FBXL18: variants seen among roughly 807,000 people sequenced by gnomAD.
FBXL18 encodes F-box/LRR-repeat protein 18.
In FBXL18, 36 loss-of-function variants were observed where a neutral mutation model predicts 46.0. The ratio of observed to expected loss-of-function variants is 0.78; its 90% CI spans 0.60 to 1.03. The LOEUF is 1.03. Among genes scored for constraint, FBXL18 ranks in the 50% least tolerant of loss-of-function variants. The pLI, the probability that FBXL18 is intolerant of heterozygous loss-of-function variation, is 0.00. For missense variants in FBXL18, 977 were observed against 1,004.1 expected (o/e 0.97, Z 0.36); for synonymous variants, 557 against 465.3 (o/e 1.20, Z -2.54).
chr7:5,471,123 G>A (rs935218342), downstream of FBXL18, among the ~76,000 whole-genome samples: 5 of 152,152 alleles, frequency 3.3e-5, no homozygotes, highest in Non-Finnish European at 7.3e-5. Context: ...CCATGGCTCC[G>A]AAGCTAGGAT....
chr7:5,491,571 C>T (rs1337584120), intron 3 of FBXL18, 122 bp from the exon 4 acceptor site: 1 of 758,176 alleles, frequency 1.3e-6, no homozygotes, highest in African/African-American at 1.8e-5. Flanking sequence ...GCTGTTCCCG[C>T]CACCTCCCAC....
intron 4 of FBXL18, chr7:5,489,202 T>C (rs1783849860): frequency 1.9e-6 from 1 of 514,004 alleles, no homozygotes; most frequent in African/African-American, 1.9e-5. Context: ...AGGGCTTTAT[T>C]TACTGACACA....
intron 4 of FBXL18, among the ~76,000 whole-genome samples, chr7:5,463,728 ATTTTTTTTTT>A (rs552002078): frequency 2.0e-3 from 107 of 53,008 alleles, no homozygotes; most frequent in Admixed American, 5.2e-3. Context: ...TTATTTATTT[ATTTTTTTTTT>A]TTTTTTTTTT....
rs535531037 is a variant in FBXL18 at position 5,496,843 on chromosome 7, T to C, written c.1781+3645A>G. On this transcript the variant is annotated intron_variant, in intron 3 of 4. Transcript: ENST00000382368. The surrounding 1 kb of genome is among the most constrained non-coding windows in gnomAD (Gnocchi z 4.8). ...GAGTTCGAGACCAGCCTGGCCAACA[T>C]GGTGAAACCCCGTCTCTACTAAAAA... 4.6e-5 allele frequency among the ~76,000 whole-genome samples: 7 copies of C among 151,386 alleles called. No homozygotes were observed. In the East Asian group the frequency reaches 9.8e-4, roughly 21 times the overall value.
At chr7:5,510,686 CAAA>C (rs35968318) in intron 1 of FBXL18, among the ~76,000 whole-genome samples, 9 of 96,704 alleles carry the variant, frequency 9.3e-5, no homozygotes, top group African/African-American at 1.8e-4. Context: ...ATCCTGTCTC[CAAA>C]AAAAAAAAAA....
At chr7:5,489,329 T>A in intron 4 of FBXL18, 1 of 518,810 alleles carries the variant, frequency 1.9e-6, no homozygotes, top group Non-Finnish European at 3.8e-6. Flanking sequence ...TTGGGAAACC[T>A]TCACTTAAAA....
At chr7:5,504,521 G>C (rs1784344771) in intron 2 of FBXL18, among the ~76,000 whole-genome samples, 1 of 145,442 alleles carries the variant, frequency 6.9e-6, no homozygotes, top group Non-Finnish European at 1.5e-5. Context: ...GGCCAGGCTG[G>C]TCTCGAACTA....
chr7:5,510,274 G>C (rs1784496005), intron 1 of FBXL18, among the ~76,000 whole-genome samples: 1 of 138,370 alleles, frequency 7.2e-6, no homozygotes, highest in Non-Finnish European at 1.5e-5. Flanking sequence ...CTGCACTCCA[G>C]CCTGGGCGAA....
In FBXL18 at chr7:5,501,640, C is replaced by T. The variant is rs772996752; in HGVS notation, c.629G>A (p.Gly210Asp). Residue 210 changes from glycine (G) to aspartate (D), a missense_variant, in exon 3 of 5, where the codon GGC becomes GAC. Physicochemically the swap from Gly to Asp is moderately conservative, Grantham distance 94. Transcript: ENST00000382368. ...CATAAGCTGGCCCGAGAGGATGGCGCCCTCGCGCGTGCGGTCCAGAATCTC... is the reference window on the plus strand; with the variant it reads ...CATAAGCTGGCCCGAGAGGATGGCGTCCTCGCGCGTGCGGTCCAGAATCTC... ...YFEILDRTRE[G>D]AILSGQLMVG... is the part of the protein sequence containing the mutation. 1.2e-6 allele frequency: 2 copies of T among 1,613,184 alleles called. No individual in the cohort carries two copies. Among genetic ancestry groups the T allele is most frequent in the Admixed American group, 1.7e-5 (1 of 59,956 alleles).
rs1238365343 is a variant in FBXL18, at chr7:5,491,440, C to T, written c.1791G>A (p.Gln597=). ...ACTGGGCGTTGGCGCTGAAGTAGGG[C>T]TGCTCCAGCCTGCGGGGAGAGAGGG... ...CKRLRDLRLE[Q]PYFSANAQFF... is the part of the protein sequence containing the mutation. The change falls in exon 4 of 5, where the codon CAG becomes CAA. Residue 597 remains glutamine (Q), a synonymous_variant. Transcript: ENST00000382368. 53 of 1,578,198 alleles carry T rather than the reference C, an allele frequency of 3.4e-5. No homozygotes were observed. The East Asian group carries it at 1.1e-3, about 34-fold the overall frequency.
At position 5,477,799 on chromosome 7, in the gene FBXL18, G is replaced by A. The variant is rs1403354434; in HGVS notation, c.*3976C>T. 6.6e-6 allele frequency: 1 copy of A among 152,198 alleles called. No individual in the cohort carries two copies. Among genetic ancestry groups the A allele is most frequent in the Non-Finnish European group, 1.5e-5 (1 of 68,100 alleles). 9.4% of individuals were successfully genotyped at this position (152,198 alleles called of 1,614,324 possible). On this transcript the variant is annotated 3_prime_UTR_variant, in exon 5 of 5. Coordinates refer to ENST00000382368, the MANE Select transcript of FBXL18 (RefSeq NM_024963.6). The surrounding 1 kb of genome is among the most constrained non-coding windows in gnomAD (Gnocchi z 4.4). ...GGAGGCTGCCACAGCGCTGCCTGCT[G>A]GGGGATCAAGGTCCCCGCATCCAGG...
rs746179439 is a variant in FBXL18 at position 5,501,480 on chromosome 7, G to A, written c.789C>T (p.His263=). 1.9e-6 allele frequency: 3 copies of A among 1,613,772 alleles called. No homozygotes were observed. Among genetic ancestry groups the A allele is most frequent in the East Asian group, 2.2e-5 (1 of 44,896 alleles). ...TGCCAGGGACGGAGATGAGGAAGGC[G>A]TGGAGGTTCTGAGGAGTGCGGTCGC... The part of the protein sequence containing the change: ...VLSDRTPQNL[H]AFLISVPGSF... Residue 263 remains histidine (H), a synonymous_variant, in exon 3 of 5, where the codon CAC becomes CAT. Coordinates refer to ENST00000382368, the MANE Select transcript of FBXL18 (RefSeq NM_024963.6).
intron 4 of FBXL18, among the ~76,000 whole-genome samples, chr7:5,463,780 G>A (rs182578703): frequency 0.019 from 2,452 of 127,230 alleles, 77 homozygotes; most frequent in Admixed American, 0.095. Flanking sequence ...TCGCTCTGTC[G>A]CCCAGGCTTG....
intron 3 of FBXL18, among the ~76,000 whole-genome samples, chr7:5,492,775 T>TCCA (rs1783964422): frequency 6.6e-6 from 1 of 152,058 alleles, no homozygotes; most frequent in African/African-American, 2.4e-5. Flanking sequence ...GGGCCACGTG[T>TCCA]CCACCAGCCA....
In FBXL18 at chr7:5,500,741, G is replaced by A; in HGVS notation, c.1528C>T (p.Leu510Phe). 2 of 1,612,548 alleles carry A rather than the reference G, an allele frequency of 1.2e-6. No homozygotes were observed. The highest frequency in any genetic ancestry group is 1.7e-6 in the Non-Finnish European group (2 of 1,179,726). ...CTCTGTGCGCGGCTGCAGGGTGGGA[G>A]CGAGTTGCGGATGGCGGGCTCGTTG... ...PRNEPAIRNSLPPCSRAQSVG... is the reference protein window; with the variant it reads ...PRNEPAIRNSFPPCSRAQSVG... The change falls in exon 3 of 5, where the codon CTC (leucine) becomes TTC (phenylalanine). Residue 510 changes from leucine to phenylalanine, a missense_variant. Leu to Phe is a conservative substitution (Grantham distance 22, BLOSUM62 0). Transcript: ENST00000382368.
At chr7:5,508,332 A>T (rs1476380109) in intron 1 of FBXL18, among the ~76,000 whole-genome samples, 1 of 151,748 alleles carries the variant, frequency 6.6e-6, no homozygotes, top group African/African-American at 2.4e-5. Context: ...CTGTAATCCC[A>T]GCTACTCAGG....
intron 4 of FBXL18, among the ~76,000 whole-genome samples, chr7:5,488,186 GT>G (rs1783825031): frequency 2.0e-5 from 3 of 152,216 alleles, no homozygotes; most frequent in African/African-American, 7.2e-5. Context: ...GAAGGTGCAG[GT>G]CACCCCAGGA....
At chr7:5,464,116 T>C (rs560926678) in intron 4 of FBXL18, among the ~76,000 whole-genome samples, 2 of 151,996 alleles carry the variant, frequency 1.3e-5, no homozygotes, top group East Asian at 3.9e-4. Context: ...GAGGCCAAGG[T>C]GGGCGGATCA....
rs773155965 is a variant in FBXL18, at chr7:5,491,277, C to A, written c.1954G>T (p.Glu652Ter). 2.5e-6 allele frequency: 4 copies of A among 1,613,184 alleles called. No individual in the cohort carries two copies. Among genetic ancestry groups the A allele is most frequent in the Non-Finnish European group, 3.4e-6 (4 of 1,179,858 alleles). ...QVVMCHLFTG[E>*]SLATCKSLQQ... is the part of the protein sequence containing the mutation. Reference sequence around the variant, plus strand: ...AGGCTCTTGCAGGTGGCGAGGGACTCCCCGGTGAACAGGTGGCACATGACA... The same window carrying A: ...AGGCTCTTGCAGGTGGCGAGGGACTACCCGGTGAACAGGTGGCACATGACA... The change falls in exon 4 of 5, where the codon GAG becomes TAG. Residue 652 changes from glutamate (E) to a stop codon, truncating the protein, a stop_gained. Transcript: ENST00000382368. LOFTEE classifies it high-confidence loss of function.
Sources: allele counts gnomAD v4.1 joint callset (sites outside exome capture counted in the v4.1 genomes callset), GRCh38; gene constraint gnomAD v4.1.1; non-coding constraint Gnocchi (gnomAD v3.1); transcripts MANE v1.5; gene names NCBI Gene and HGNC (gene_info 2026-07-23, HGNC 2026-07-21).